The following PTPRQ variants were observed in gnomAD, a reference collection of about 807,000 sequenced individuals.
PTPRQ encodes the protein phosphatidylinositol phosphatase PTPRQ.
Under a neutral mutation model 246.0 loss-of-function variants are expected in PTPRQ, and 199 were observed. That is an observed-to-expected ratio of 0.81 (90% CI 0.72 to 0.91). PTPRQ has a LOEUF of 0.91. Among genes scored for constraint, PTPRQ ranks in the 40% least tolerant of loss-of-function variants. The pLI is 0.00. For synonymous variants in PTPRQ, 869 were observed against 853.2 expected (o/e 1.02, Z -0.32); for missense variants, 2,624 against 2,528.4 (o/e 1.04, Z -0.81).
chr12:80,634,032 C>G (rs1000269399), intron 34 of PTPRQ, among the ~76,000 whole-genome samples: 1 of 152,196 alleles, frequency 6.6e-6, no homozygotes, highest in Non-Finnish European at 1.5e-5. Context: ...CATCCTGGGA[C>G]ATCCAAGTCA....
At chr12:80,674,539 T>G (rs1421105190) in intron 43 of PTPRQ, among the ~76,000 whole-genome samples, 4 of 152,148 alleles carry the variant, frequency 2.6e-5, no homozygotes, top group Admixed American at 2.6e-4. Context: ...ATCCAAACTT[T>G]TTGGACAAAT....
intron 16 of PTPRQ, among the ~76,000 whole-genome samples, chr12:80,509,798 G>C (rs985359401): frequency 1.3e-5 from 2 of 152,070 alleles, no homozygotes; most frequent in African/African-American, 2.4e-5. Flanking sequence ...TGAGTGAACA[G>C]AGTTTGATAT....
chr12:80,464,089 T>A (rs1345218536), intron 6 of PTPRQ, among the ~76,000 whole-genome samples: 1 of 151,246 alleles, frequency 6.6e-6, no homozygotes, highest in Non-Finnish European at 1.5e-5. Context: ...AGATAAAGAG[T>A]CAAGACCCAT....
At position 80,620,426 on chromosome 12, in the gene PTPRQ, A is replaced by G. The variant is rs946400117; in HGVS notation, c.5612+50A>G. ...GCATTCTGTTAGCAAGCTAGTTAGT[A>G]TCTTTCATCCATCCATCTGCCTGTC... On this transcript the variant is annotated intron_variant, in intron 32 of 44. Coordinates refer to ENST00000644991, the MANE Select transcript of PTPRQ (RefSeq NM_001145026.2). The G allele has an allele frequency of 4.5e-6, 7 of 1,540,770 alleles. No individual in the cohort carries two copies. The African/African-American group carries it at 9.7e-5, about 21-fold the overall frequency.
rs1054184343 is a variant in PTPRQ at position 80,457,615 on chromosome 12, A to G, written c.431A>G (p.Asp144Gly). 5.0e-5 allele frequency: 20 copies of G among 400,076 alleles called. No individual in the cohort carries two copies. The East Asian group carries it at 5.7e-4, about 11-fold the overall frequency. 24.8% of individuals were successfully genotyped at this position (400,076 alleles called of 1,614,324 possible). A position where few individuals can be genotyped will look rare whatever the true frequency, so the allele number is the denominator to read the frequency against. ...ENSAGIGVFS[D>G]PFLFQTAESA... ...AGTGCTGGCATTGGAGTGTTTAGTGATCCATTTCTCTTCCAAACTGCAGAA... is the reference window on the plus strand; with the variant it reads ...AGTGCTGGCATTGGAGTGTTTAGTGGTCCATTTCTCTTCCAAACTGCAGAA... The change falls in exon 4 of 45, where the codon GAT becomes GGT. Residue 144 changes from aspartate to glycine, a missense_variant. By Grantham distance (94) the Asp-to-Gly change is moderately conservative. Transcript: ENST00000644991.
intron 42 of PTPRQ, among the ~76,000 whole-genome samples, chr12:80,671,484 C>A (rs1327303421): frequency 6.6e-6 from 1 of 152,048 alleles, no homozygotes; most frequent in African/African-American, 2.4e-5. Context: ...GTACTTTCTC[C>A]TTTTTAGCCT....
intron 1 of PTPRQ, among the ~76,000 whole-genome samples, 164 bp from the exon 2 acceptor site, chr12:80,444,577 A>C (rs1892495437): frequency 6.6e-6 from 1 of 151,866 alleles, no homozygotes. Flanking sequence ...AAAAAGTTAT[A>C]TAACATATTT....
chr12:80,645,901 T>C (rs1171285247), intron 35 of PTPRQ, among the ~76,000 whole-genome samples: 5 of 152,118 alleles, frequency 3.3e-5, no homozygotes, highest in Non-Finnish European at 5.9e-5. Flanking sequence ...TGGTTAGAAA[T>C]GTTTTACATG....
chr12:80,617,683 T>C (rs553086649), intron 30 of PTPRQ, among the ~76,000 whole-genome samples: 1 of 151,528 alleles, frequency 6.6e-6, no homozygotes, highest in South Asian at 2.1e-4. Context: ...CGACTTCTAG[T>C]CTAGAGAAGA....
chr12:80,572,493 G>C (rs930619544), intron 25 of PTPRQ, among the ~76,000 whole-genome samples: 2 of 151,862 alleles, frequency 1.3e-5, no homozygotes, highest in African/African-American at 4.8e-5. Context: ...TTAACTCCAT[G>C]ACTTTATTGT....
chr12:80,487,574 TG>T (rs1273207470), intron 9 of PTPRQ, among the ~76,000 whole-genome samples: 1 of 152,158 alleles, frequency 6.6e-6, no homozygotes, highest in African/African-American at 2.4e-5. Flanking sequence ...TTTGTCTTTT[TG>T]GATAATGGAA....
At chr12:80,594,593 C>T (rs1897907488) in intron 26 of PTPRQ, among the ~76,000 whole-genome samples, 1 of 152,080 alleles carries the variant, frequency 6.6e-6, no homozygotes. Flanking sequence ...ATATTGCCAC[C>T]TTCCCTTGCA....
chr12:80,656,700 A>C (rs1024297707), intron 38 of PTPRQ, among the ~76,000 whole-genome samples: 1 of 152,082 alleles, frequency 6.6e-6, no homozygotes, highest in Non-Finnish European at 1.5e-5. Context: ...TGAAAGAAAG[A>C]ATAGGCAGAT....
At chr12:80,648,193 A>T (rs1019642893) in intron 35 of PTPRQ, among the ~76,000 whole-genome samples, 1 of 152,112 alleles carries the variant, frequency 6.6e-6, no homozygotes, top group Non-Finnish European at 1.5e-5. Flanking sequence ...TGAAAAAGTC[A>T]TATGTTCCTT....
At chr12:80,650,353 A>T (rs1438220995) in intron 37 of PTPRQ, among the ~76,000 whole-genome samples, 3 of 151,930 alleles carry the variant, frequency 2.0e-5, no homozygotes, top group Non-Finnish European at 4.4e-5. Context: ...ATAAAATTGA[A>T]ATTATTTAAA....
chr12:80,660,825 AT>A, intron 39 of PTPRQ, among the ~76,000 whole-genome samples: 1 of 152,212 alleles, frequency 6.6e-6, no homozygotes, highest in Middle Eastern at 3.4e-3. Context: ...ATCAAAATCA[AT>A]TTATTAATAT....
chr12:80,614,093 A>G (rs1262615407), intron 29 of PTPRQ, among the ~76,000 whole-genome samples: 1 of 150,816 alleles, frequency 6.6e-6, no homozygotes, highest in Non-Finnish European at 1.5e-5. Context: ...TAAAAGAGAA[A>G]GAAAATGCAC....
chr12:80,607,332 C>T (rs1898361648), intron 27 of PTPRQ, among the ~76,000 whole-genome samples: 1 of 150,828 alleles, frequency 6.6e-6, no homozygotes, highest in Non-Finnish European at 1.5e-5. Context: ...TAAATATAGC[C>T]TCACCAAAAC....
intron 25 of PTPRQ, among the ~76,000 whole-genome samples, chr12:80,572,641 G>A (rs1159364277): frequency 6.6e-6 from 1 of 152,090 alleles, no homozygotes; most frequent in Admixed American, 6.5e-5. Flanking sequence ...GATATTGGCT[G>A]TAGACTTTCT....
Sources: gnomAD v4.1 joint callset for allele counts (sites outside exome capture counted in the v4.1 genomes callset) on GRCh38, gnomAD v4.1.1 for gene constraint, MANE v1.5 for transcripts, NCBI Gene and HGNC (gene_info 2026-07-23, HGNC 2026-07-21) for gene names.